Variants in PRUNE2 observed in about 807,000 individuals in gnomAD.
PRUNE2 encodes the protein prune homolog 2 with BCH domain.
In PRUNE2, 164 loss-of-function variants were observed where a neutral mutation model predicts 252.0. The ratio of observed to expected loss-of-function variants is 0.65; its 90% CI spans 0.57 to 0.74. The LOEUF (loss-of-function observed/expected upper bound fraction) is 0.74, where lower values mean the gene tolerates loss of function less well. Among genes scored for constraint, PRUNE2 ranks in the 30% least tolerant of loss-of-function variants. PRUNE2 has a pLI of 0.00. For synonymous variants in PRUNE2, 1,292 were observed against 1,350.2 expected (o/e 0.96, Z 0.94); for missense variants, 3,495 against 3,711.0 (o/e 0.94, Z 1.51).
chr9:76,827,003 T>A (rs902378648), intron 4 of PRUNE2, among the ~76,000 whole-genome samples: 1 of 152,072 alleles, frequency 6.6e-6, no homozygotes, highest in Non-Finnish European at 1.5e-5. Flanking sequence ...AGGAAAAAAA[T>A]GTGTATATTC....
rs557410900 is a variant in PRUNE2 at position 76,746,532 on chromosome 9, C to T, written c.757-32811G>A. ...CATCCTGGCTAACAAGGTGAAACCCCGTCTCTACTAAAAATACAAAAAATT... is the reference window on the plus strand; with the variant it reads ...CATCCTGGCTAACAAGGTGAAACCCTGTCTCTACTAAAAATACAAAAAATT... On this transcript the variant is annotated intron_variant, in intron 6 of 18. Coordinates refer to ENST00000376718, the MANE Select transcript of PRUNE2 (RefSeq NM_015225.3). Among the ~76,000 whole-genome samples the T allele has an allele frequency of 4.4e-3, 669 of 150,994 alleles. 4 individuals carry two copies. The highest frequency in any genetic ancestry group is 5.4e-3 in the Non-Finnish European group (365 of 67,728).
chr9:76,703,471 C>A lies in PRUNE2; in HGVS notation c.8142G>T (p.Leu2714Phe). ...ATTCATTGTCATGGGTGACAGCCTG[C>A]AACGTAACTGCATCCGGGCCAGCCC... ...RGRAGPDAVT[L>F]QAVTHDNEWE... The change falls in exon 9 of 19, where the codon TTG becomes TTT. Residue 2714 changes from leucine to phenylalanine, a missense_variant. Transcript: ENST00000376718. 1 of 87,848 alleles carries A rather than the reference C, an allele frequency of 1.1e-5. No individual in the cohort carries two copies. The highest frequency in any genetic ancestry group is 1.5e-5 in the Non-Finnish European group (1 of 68,134). The allele number at this position is 87,848 out of a possible 1,614,324, so 5.4% of individuals were successfully genotyped here.
rs576790881 is a variant in PRUNE2, at chr9:76,618,402, C to T, written c.9236+938G>A. ...CACATTTAAAACTGATCTTTCCCCTCTGCTTCCTGATTGCTAGGAACAAGG... is the reference window on the plus strand; with the variant it reads ...CACATTTAAAACTGATCTTTCCCCTTTGCTTCCTGATTGCTAGGAACAAGG... On this transcript the variant is annotated intron_variant, in intron 18 of 18. Coordinates refer to ENST00000376718, the MANE Select transcript of PRUNE2 (RefSeq NM_015225.3). Among the ~76,000 whole-genome samples the T allele has an allele frequency of 5.6e-4, 86 of 152,360 alleles. No individual in the cohort carries two copies. The Middle Eastern group carries it at 0.01, about 18-fold the overall frequency.
chr9:76,753,531 G>A (rs1292763451), intron 6 of PRUNE2, among the ~76,000 whole-genome samples: 1 of 152,120 alleles, frequency 6.6e-6, no homozygotes, highest in Non-Finnish European at 1.5e-5. Context: ...CTGGATGAAT[G>A]TTACAACACC....
chr9:76,650,589 A>C (rs965382820), intron 11 of PRUNE2, among the ~76,000 whole-genome samples: 1 of 152,174 alleles, frequency 6.6e-6, no homozygotes, highest in South Asian at 2.1e-4. Flanking sequence ...ATTCAGAGGC[A>C]CTTTGTGTTT....
chr9:76,615,905 G>A lies in PRUNE2; in HGVS notation c.9237-1305C>T, dbSNP rs145258525. ...CTGCCTCAGCCTCCCGAGTAGCTGG[G>A]ATTACAGGCAGACGCCACCATGCCC... is the stretch of plus-strand genomic sequence containing the variant. On this transcript the variant is annotated intron_variant, in intron 18 of 18. Coordinates refer to ENST00000376718, the MANE Select transcript of PRUNE2 (RefSeq NM_015225.3). Among the ~76,000 whole-genome samples the A allele has an allele frequency of 1.5e-3, 232 of 151,928 alleles. 1 individual carries two copies. Among genetic ancestry groups the A allele is most frequent in the Middle Eastern group, 3.4e-3 (1 of 294 alleles).
At position 76,846,619 on chromosome 9, in the gene PRUNE2, T is replaced by C. The variant is rs757932703; in HGVS notation, c.404A>G (p.Asp135Gly). 16 of 1,614,126 alleles carry C rather than the reference T, an allele frequency of 9.9e-6. No individual in the cohort carries two copies. Among genetic ancestry groups the C allele is most frequent in the Non-Finnish European group, 1.4e-5 (16 of 1,179,960 alleles). ...AGACTCTCGGAACTCAACGTTGGCA[T>C]CGCTCTGCTCAACCGGATTAATGAC... ...VKVINPVEQS[D>G]ANVEFRESSS... The change falls in exon 4 of 19, where the codon GAT becomes GGT. Residue 135 changes from aspartate to glycine, a missense_variant. Coordinates refer to ENST00000376718, the MANE Select transcript of PRUNE2 (RefSeq NM_015225.3).
At chr9:76,852,651 C>T (rs1468758356) in intron 2 of PRUNE2, among the ~76,000 whole-genome samples, 1 of 152,146 alleles carries the variant, frequency 6.6e-6, no homozygotes, top group Middle Eastern at 3.2e-3. Flanking sequence ...TAGCAGGGGG[C>T]CCAGTAAACT....
chr9:76,801,482 G>A (rs2056550579), intron 6 of PRUNE2, among the ~76,000 whole-genome samples: 1 of 151,540 alleles, frequency 6.6e-6, no homozygotes, highest in Non-Finnish European at 1.5e-5. Context: ...TATTTCTACT[G>A]GGCCTTTTTT....
intron 4 of PRUNE2, among the ~76,000 whole-genome samples, chr9:76,844,900 G>A (rs753140512): frequency 2.0e-5 from 3 of 149,520 alleles, no homozygotes; most frequent in Non-Finnish European, 3.0e-5. Flanking sequence ...GCAGTAGCTC[G>A]CACCTTTAAT....
chr9:76,780,801 A>G (rs997896871), intron 6 of PRUNE2, among the ~76,000 whole-genome samples: 2 of 152,244 alleles, frequency 1.3e-5, no homozygotes, highest in Non-Finnish European at 2.9e-5. Flanking sequence ...ACAGCTACTG[A>G]GAACCAATGA....
At chr9:76,636,357 CA>C in intron 15 of PRUNE2, 113 bp downstream of exon 15, 1 of 670,064 alleles carries the variant, frequency 1.5e-6, no homozygotes, top group Non-Finnish European at 2.6e-6. Flanking sequence ...AAGACAGAGA[CA>C]AATATATTTC....
In PRUNE2 at chr9:76,789,614, G is replaced by T. The variant is rs557769392; in HGVS notation, c.756+34018C>A. On this transcript the variant is annotated intron_variant, in intron 6 of 18. Coordinates refer to ENST00000376718, the MANE Select transcript of PRUNE2 (RefSeq NM_015225.3). ...CCCTCCATTAGGAGTCGACCAAGGA[G>T]CAAGGTAGGAACTCTTCAATTAGAT... Among the ~76,000 whole-genome samples, 8 of 152,274 alleles carry T rather than the reference G, an allele frequency of 5.3e-5. No homozygotes were observed. In the South Asian group the frequency reaches 1.7e-3, roughly 32 times the overall value.
chr9:76,681,765 C>A (rs917758201), intron 9 of PRUNE2, among the ~76,000 whole-genome samples: 1 of 152,148 alleles, frequency 6.6e-6, no homozygotes, highest in Non-Finnish European at 1.5e-5. Flanking sequence ...GGAAATAAAT[C>A]ATCTCAGAAT....
intron 12 of PRUNE2, among the ~76,000 whole-genome samples, chr9:76,639,805 T>C (rs1034377106): frequency 3.3e-5 from 5 of 152,150 alleles, no homozygotes; most frequent in African/African-American, 1.2e-4. Flanking sequence ...AGGTGGGAAA[T>C]GCGGAAAGTG....
intron 9 of PRUNE2, among the ~76,000 whole-genome samples, chr9:76,682,323 A>G (rs1422487068): frequency 1.3e-5 from 2 of 151,044 alleles, no homozygotes; most frequent in Non-Finnish European, 2.9e-5. Flanking sequence ...TAAAGGAAAA[A>G]TATTCCTAAA....
At chr9:76,847,992 GGT>G (rs1299721757) in intron 3 of PRUNE2, among the ~76,000 whole-genome samples, 2 of 152,118 alleles carry the variant, frequency 1.3e-5, no homozygotes, top group Non-Finnish European at 2.9e-5. Context: ...GGCTGGGCAT[GGT>G]GGCTCACGCC....
At chr9:76,663,314 A>G (rs2039491029) in intron 9 of PRUNE2, among the ~76,000 whole-genome samples, 1 of 152,220 alleles carries the variant, frequency 6.6e-6, no homozygotes, top group African/African-American at 2.4e-5. Context: ...GAAGCATCTT[A>G]GAAGCCAGCC....
intron 9 of PRUNE2, among the ~76,000 whole-genome samples, chr9:76,691,500 A>C (rs1000804444): frequency 2.0e-5 from 3 of 152,200 alleles, no homozygotes; most frequent in Non-Finnish European, 4.4e-5. Context: ...TGAAAAGACA[A>C]AGGGAACAAC....
Sources: gnomAD v4.1 joint callset for allele counts (sites outside exome capture counted in the v4.1 genomes callset) on GRCh38, gnomAD v4.1.1 for gene constraint, MANE v1.5 for transcripts, NCBI Gene and HGNC (gene_info 2026-07-23, HGNC 2026-07-21) for gene names.